The following CCDC187 variants were observed in gnomAD, a reference collection of about 807,000 sequenced individuals.
The protein encoded by CCDC187 is coiled-coil domain containing 187.
In CCDC187, 32 loss-of-function variants were observed where a neutral mutation model predicts 38.0. The ratio of observed to expected loss-of-function variants is 0.84; its 90% CI spans 0.64 to 1.13. The LOEUF is 1.13. CCDC187 is among the 50% of genes most tolerant of loss of function. The pLI, the probability that CCDC187 is intolerant of heterozygous loss-of-function variation, is 0.00. For missense variants in CCDC187, 707 were observed against 786.8 expected (o/e 0.90, Z 1.21); for synonymous variants, 333 against 347.9 (o/e 0.96, Z 0.48).
At chr9:136,267,605 A>G (rs1160436569) in intron 15 of CCDC187, 94 bp from the exon 16 acceptor site, 3 of 985,462 alleles carry the variant, frequency 3.0e-6, no homozygotes, top group Non-Finnish European at 3.6e-6. Context: ...GTCACCGCCT[A>G]GCTTCTAGAC....
Position 136,254,839 on chromosome 9 carries a change from G to C in CCDC187, c.4989C>G (p.Ser1663Arg). The change falls in exon 26 of 26, where the codon AGC becomes AGG. Residue 1663 changes from serine (S) to arginine (R), a missense_variant. Coordinates refer to ENST00000638797, the MANE Select transcript of CCDC187 (RefSeq NM_001378188.1). ...GTCGGGCAGAGAGCTCTCCAGGCCA[G>C]CTGAAACCTTCGTCTGGGGAGTCTT... Reference protein sequence around the residue: ...EAEDSPDEGFSWPGELSARHS... With the variant: ...EAEDSPDEGFRWPGELSARHS... 1.0e-6 allele frequency: 1 copy of C among 985,396 alleles called. No individual in the cohort carries two copies. 61.0% of individuals were successfully genotyped at this position (985,396 alleles called of 1,614,324 possible).
At chr9:136,267,543 G>T in intron 15 of CCDC187, 32 bp from the exon 16 acceptor site, 2 of 985,694 alleles carry the variant, frequency 2.0e-6, no homozygotes, top group Non-Finnish European at 2.4e-6. Flanking sequence ...GGCCCCTAAA[G>T]CTCTGGGTTC....
At chr9:136,283,992 G>A (rs1299717675) in intron 9 of CCDC187, among the ~76,000 whole-genome samples, 2 of 152,176 alleles carry the variant, frequency 1.3e-5, no homozygotes, top group Non-Finnish European at 2.9e-5. Flanking sequence ...ACAACCCAAA[G>A]GCCCTGGCGC....
At chr9:136,275,512 A>C (rs924418577) in intron 12 of CCDC187, among the ~76,000 whole-genome samples, 4 of 151,988 alleles carry the variant, frequency 2.6e-5, no homozygotes, top group Non-Finnish European at 5.9e-5. Flanking sequence ...ACATACTTCC[A>C]TCACTCTCCT....
intron 18 of CCDC187, among the ~76,000 whole-genome samples, chr9:136,263,100 C>A (rs1410964076): frequency 1.3e-5 from 2 of 151,962 alleles, no homozygotes; most frequent in East Asian, 3.9e-4. Flanking sequence ...CTGCCCCCAC[C>A]TGAAGTCTGG....
rs1039552262 is a variant in CCDC187, at chr9:136,303,305, C to T, written c.144-12G>A. The T allele has an allele frequency of 5.1e-3, 2,010 of 397,360 alleles. 40 individuals are homozygous for T. Among genetic ancestry groups the T allele is most frequent in the African/African-American group, 0.037 (1,806 of 48,750 alleles). The allele number at this position is 397,360 out of a possible 1,614,324, so 24.6% of individuals were successfully genotyped here. The stretch of plus-strand genomic sequence containing the variant: ...CAGGTGCGCAGAGCCTGGGAGGGAA[C>T]GGCAGACATGCCGGTCAGACATGCA... On this transcript the variant is annotated splice_polypyrimidine_tract_variant and intron_variant, in intron 1 of 25. Coordinates refer to ENST00000638797, the MANE Select transcript of CCDC187 (RefSeq NM_001378188.1).
chr9:136,270,431 A>G (rs571480920), intron 14 of CCDC187, among the ~76,000 whole-genome samples: 125 of 152,348 alleles, frequency 8.2e-4, no homozygotes, highest in African/African-American at 2.7e-3. Flanking sequence ...TAGCCGAAGC[A>G]GAGAGGGAAG....
chr9:136,254,454 C>A lies in CCDC187; in HGVS notation c.5374G>T (p.Gly1792Cys). ...GSSLPAGGSL[G>C]LGSGVEPQVA... is the part of the protein sequence containing the mutation. The stretch of plus-strand genomic sequence containing the variant: ...TGGGGCTCCACGCCGCTTCCAAGGC[C>A]CAGTGAGCCACCTGCAGGCAGGGAG... The change falls in exon 26 of 26, where the codon GGC (glycine) becomes TGC (cysteine). Residue 1792 changes from glycine to cysteine, a missense_variant. Physicochemically the swap from Gly to Cys is radical, Grantham distance 159. Transcript: ENST00000638797. 1.0e-6 allele frequency: 1 copy of A among 985,420 alleles called. No individual in the cohort carries two copies. Among genetic ancestry groups the A allele is most frequent in the Non-Finnish European group, 1.2e-6 (1 of 829,930 alleles). The allele number at this position is 985,420 out of a possible 1,614,324, so 61.0% of individuals were successfully genotyped here. A position where few individuals can be genotyped will look rare whatever the true frequency, so the allele number is the denominator to read the frequency against.
chr9:136,269,251 A>C (rs937086412), intron 14 of CCDC187, among the ~76,000 whole-genome samples: 2 of 152,248 alleles, frequency 1.3e-5, no homozygotes, highest in African/African-American at 4.8e-5. Context: ...GGAAATGATT[A>C]GCCCCAGGCT....
rs764180442 is a variant in CCDC187 at position 136,274,987 on chromosome 9, C to G, written c.3246G>C (p.Ser1082=). Residue 1082 remains serine, a synonymous_variant, in exon 13 of 26, where the codon TCG becomes TCC. Transcript: ENST00000638797. Reference sequence around the variant, plus strand: ...ACGCCTCCTCTGGCCTGGCCTGGGTCGAGTGTCTCTCCATCAGCTGCTGTG... The same window carrying G: ...ACGCCTCCTCTGGCCTGGCCTGGGTGGAGTGTCTCTCCATCAGCTGCTGTG... ...RRLEQLMERH[S]TQARPEEALK... The G allele has an allele frequency of 2.6e-5, 4 of 152,442 alleles. No homozygotes were observed. The highest frequency in any genetic ancestry group is 9.6e-5 in the African/African-American group (4 of 41,460). The allele number at this position is 152,442 out of a possible 1,614,324, so 9.4% of individuals were successfully genotyped here.
chr9:136,288,565 A>G (rs1250190257), intron 7 of CCDC187, among the ~76,000 whole-genome samples: 2 of 152,190 alleles, frequency 1.3e-5, no homozygotes, highest in South Asian at 2.1e-4. Flanking sequence ...GCGTGAGGCC[A>G]GGCCAGAGAG....
chr9:136,267,719 A>C, intron 15 of CCDC187: 1 of 891,484 alleles, frequency 1.1e-6, no homozygotes, highest in Non-Finnish European at 1.3e-6. Context: ...CTGGCGGGGC[A>C]GGCAGGATCT....
chr9:136,266,910 C>G (rs1236867211), intron 16 of CCDC187: 4 of 152,028 alleles, frequency 2.6e-5, no homozygotes, highest in African/African-American at 9.7e-5. Flanking sequence ...TGGAGAAACC[C>G]CATCTCTACT....
intron 7 of CCDC187, among the ~76,000 whole-genome samples, chr9:136,288,919 G>T (rs1322095933): frequency 6.6e-6 from 1 of 152,236 alleles, no homozygotes; most frequent in Non-Finnish European, 1.5e-5. Flanking sequence ...AGGTGCACGT[G>T]CCCATGCAAT....
At chr9:136,293,868 G>A (rs1831451947) in intron 4 of CCDC187, among the ~76,000 whole-genome samples, 2 of 148,424 alleles carry the variant, frequency 1.3e-5, no homozygotes, top group Non-Finnish European at 3.0e-5. Flanking sequence ...AGTCTCATAT[G>A]CTCTCTGACT....
At chr9:136,297,033 G>A (rs1369249329) in intron 4 of CCDC187, among the ~76,000 whole-genome samples, 6 of 152,010 alleles carry the variant, frequency 3.9e-5, no homozygotes, top group East Asian at 1.9e-4. Flanking sequence ...AAATGTGAAC[G>A]TGTGACAAAG....
In CCDC187 at chr9:136,253,607, G is replaced by A. The variant is rs148613803; in HGVS notation, c.6221C>T (p.Ala2074Val). 26 of 985,632 alleles carry A rather than the reference G, an allele frequency of 2.6e-5. No individual in the cohort carries two copies. In the African/African-American group the frequency reaches 3.8e-4, roughly 15 times the overall value. 61.1% of individuals were successfully genotyped at this position (985,632 alleles called of 1,614,324 possible). ...EGLFPGPQGS[A>V]GTQ Reference sequence around the variant, plus strand: ...GCAGAGCCCCAACTACTGGGTTCCCGCCGACCCCTGGGGCCCAGGAAACAG... The same window carrying A: ...GCAGAGCCCCAACTACTGGGTTCCCACCGACCCCTGGGGCCCAGGAAACAG... The change falls in exon 26 of 26, where the codon GCG (alanine) becomes GTG (valine). Residue 2074 changes from alanine to valine, a missense_variant. Coordinates refer to ENST00000638797, the MANE Select transcript of CCDC187 (RefSeq NM_001378188.1).
In CCDC187 at chr9:136,291,233, C is replaced by T. The variant is rs1003043983; in HGVS notation, c.1380G>A (p.Pro460=). The T allele has an allele frequency of 8.3e-5, 33 of 398,752 alleles. No homozygotes were observed. Among genetic ancestry groups the T allele is most frequent in the East Asian group, 8.2e-4 (23 of 28,084 alleles). 24.7% of individuals were successfully genotyped at this position (398,752 alleles called of 1,614,324 possible). The part of the protein sequence containing the change: ...WSSSTARESC[P]QRAWGAQGQD... ...GTCCTTGGGCCCCCCAGGCCCTCTG[C>T]GGACAGGACTCCCGTGCAGTGGAGG... The change falls in exon 6 of 26, where the codon CCG becomes CCA. Residue 460 remains proline (P), a synonymous_variant. Transcript: ENST00000638797.
intron 4 of CCDC187, among the ~76,000 whole-genome samples, chr9:136,293,925 C>T (rs1831456840): frequency 6.8e-6 from 1 of 147,346 alleles, no homozygotes; most frequent in Non-Finnish European, 1.5e-5. Context: ...CATATACACA[C>T]TCCCTCGTGC....
Sources: allele counts gnomAD v4.1 joint callset (sites outside exome capture counted in the v4.1 genomes callset), GRCh38; gene constraint gnomAD v4.1.1; transcripts MANE v1.5; gene names NCBI Gene and HGNC (gene_info 2026-07-23, HGNC 2026-07-21).